Variants in NDUFA10 observed in about 807,000 individuals in gnomAD.
NDUFA10 encodes NADH:ubiquinone oxidoreductase subunit A10.
NDUFA10 carries 40 observed loss-of-function variants against 47.8 expected under a neutral mutation model. The ratio of observed to expected loss-of-function variants is 0.84; its 90% confidence interval spans 0.65 to 1.09. NDUFA10 has a LOEUF of 1.09. Ranked by LOEUF, NDUFA10 falls within the 50% of genes least tolerant of loss-of-function variation. The pLI, the probability that NDUFA10 is intolerant of heterozygous loss-of-function variation, is 0.00. For missense variants in NDUFA10, 413 were observed against 451.1 expected (o/e 0.92, Z 0.76); for synonymous variants, 183 against 172.2 (o/e 1.06, Z -0.49).
intron 4 of NDUFA10, among the ~76,000 whole-genome samples, chr2:239,949,803 T>C (rs188070516): frequency 9.2e-5 from 14 of 152,258 alleles, no homozygotes; most frequent in Admixed American, 5.9e-4. Context: ...AGGTGGGACA[T>C]TGGTCTTCCC....
At chr2:239,946,406 C>G (rs4077905) in intron 4 of NDUFA10, among the ~76,000 whole-genome samples, 6,013 of 152,272 alleles carry the variant, frequency 0.039, 419 homozygotes, top group African/African-American at 0.14. Flanking sequence ...AGCTCGTTAA[C>G]CCGCATGCTC....
chr2:239,999,955 A>G (rs7573361), intron 8 of NDUFA10, among the ~76,000 whole-genome samples: 29,487 of 152,108 alleles, frequency 0.19, 3,277 homozygotes, highest in African/African-American at 0.31. Context: ...GGAGCTGAAC[A>G]CTTCCTATCA....
chr2:239,971,249 A>G (rs1695294197), intron 9 of NDUFA10, among the ~76,000 whole-genome samples: 1 of 152,218 alleles, frequency 6.6e-6, no homozygotes, highest in African/African-American at 2.4e-5. Flanking sequence ...AGCCAAAGAA[A>G]CCTCCTGAAC....
At chr2:239,938,038 G>A (rs1179265752) in intron 4 of NDUFA10, among the ~76,000 whole-genome samples, 3 of 152,060 alleles carry the variant, frequency 2.0e-5, no homozygotes, top group South Asian at 2.1e-4. Flanking sequence ...TGTTTGGTTG[G>A]TGGCCTTTTC....
At position 239,945,303 on chromosome 2, in the gene NDUFA10, AG is replaced by A. The variant is rs1694430359; in HGVS notation, c.294+44770del. Among the ~76,000 whole-genome samples the A allele has an allele frequency of 1.3e-5, 2 of 152,188 alleles. No homozygotes were observed. Among genetic ancestry groups the A allele is most frequent in the Admixed American group, 1.3e-4 (2 of 15,280 alleles). ...CCATCATTCCTCCTGCTTTGCAGCCAGGAAGACACGAGCTCACAGATCAGCA... is the reference window on the plus strand; with the variant it reads ...CCATCATTCCTCCTGCTTTGCAGCCAGAAGACACGAGCTCACAGATCAGCA... On this transcript the variant is annotated intron_variant, in intron 4 of 5. Coordinates refer to the NDUFA10 transcript ENST00000419408. This position sits in a 1 kb window ranked among gnomAD's most constrained non-coding sequence, Gnocchi z 4.6.
At chr2:239,912,361 T>C (rs572513883) in intron 4 of NDUFA10, among the ~76,000 whole-genome samples, 83 of 152,304 alleles carry the variant, frequency 5.4e-4, no homozygotes, top group African/African-American at 1.9e-3. Context: ...GCCTCCAGGC[T>C]GTAGCTGATA....
chr2:239,943,831 G>A (rs1272406937), intron 4 of NDUFA10, among the ~76,000 whole-genome samples: 1 of 152,162 alleles, frequency 6.6e-6, no homozygotes, highest in Non-Finnish European at 1.5e-5. Flanking sequence ...CTGCAGAGCT[G>A]GACCTGCAGT....
chr2:239,894,106 T>C (rs1693346364), intron 5 of NDUFA10, among the ~76,000 whole-genome samples: 1 of 146,586 alleles, frequency 6.8e-6, no homozygotes, highest in African/African-American at 2.6e-5. Context: ...GCCTCATTCC[T>C]TCTCCCTGCT....
At chr2:239,939,031 G>A (rs768109583) in intron 4 of NDUFA10, among the ~76,000 whole-genome samples, 15 of 152,210 alleles carry the variant, frequency 9.9e-5, no homozygotes, top group Non-Finnish European at 1.9e-4. Context: ...GCGGAAAGAC[G>A]CTGCCTCAGG....
chr2:239,937,091 G>A (rs1694278003), intron 4 of NDUFA10, among the ~76,000 whole-genome samples: 1 of 152,228 alleles, frequency 6.6e-6, no homozygotes, highest in Non-Finnish European at 1.5e-5. Context: ...GGAGGGCTGG[G>A]GGCAGTCCGC....
intron 4 of NDUFA10, among the ~76,000 whole-genome samples, chr2:239,921,933 C>T (rs908598427): frequency 1.3e-5 from 2 of 151,274 alleles, no homozygotes; most frequent in Non-Finnish European, 2.9e-5. Flanking sequence ...TCTGTCCTTC[C>T]TTCCTTCTTT....
At chr2:239,973,818 T>C (rs1043984580) in intron 9 of NDUFA10, among the ~76,000 whole-genome samples, 1 of 152,214 alleles carries the variant, frequency 6.6e-6, no homozygotes, top group African/African-American at 2.4e-5. Flanking sequence ...ACAGGGTCAA[T>C]TCCGGGCACA....
intron 4 of NDUFA10, among the ~76,000 whole-genome samples, chr2:239,918,158 C>T (rs1284267531): frequency 1.3e-5 from 2 of 152,180 alleles, no homozygotes; most frequent in South Asian, 4.1e-4. Flanking sequence ...CCTGAGGGAC[C>T]CTCTGCATCA....
At chr2:239,937,878 G>T (rs1170324618) in intron 4 of NDUFA10, among the ~76,000 whole-genome samples, 2 of 152,164 alleles carry the variant, frequency 1.3e-5, no homozygotes, top group Non-Finnish European at 2.9e-5. Flanking sequence ...GACTTTAATT[G>T]TAACAAATTA....
chr2:240,000,426 A>G (rs1303869012), intron 8 of NDUFA10, among the ~76,000 whole-genome samples: 1 of 152,270 alleles, frequency 6.6e-6, no homozygotes, highest in African/African-American at 2.4e-5. Context: ...AAGTAAAAAT[A>G]AATAATTTTA....
chr2:240,011,784 T>C (rs1194984810), intron 5 of NDUFA10, 88 bp from the exon 6 acceptor site: 4 of 1,170,316 alleles, frequency 3.4e-6, no homozygotes, highest in Non-Finnish European at 5.1e-6. Flanking sequence ...AGACAATCAC[T>C]GACCACCATT....
chr2:239,927,742 C>G (rs967415839), intron 4 of NDUFA10, among the ~76,000 whole-genome samples: 1 of 152,138 alleles, frequency 6.6e-6, no homozygotes, highest in East Asian at 1.9e-4. Context: ...AGGGGAGGAG[C>G]CTGGGTGGCG....
chr2:239,916,263 C>CAG (rs1693877934), intron 4 of NDUFA10, among the ~76,000 whole-genome samples: 1 of 138,622 alleles, frequency 7.2e-6, no homozygotes, highest in African/African-American at 3.3e-5. Flanking sequence ...CACACACACA[C>CAG]AGAACACACA....
intron 4 of NDUFA10, among the ~76,000 whole-genome samples, chr2:239,897,259 A>C (rs537969377): frequency 6.6e-6 from 1 of 152,372 alleles, no homozygotes; most frequent in African/African-American, 2.4e-5. Context: ...ACATTGCAGT[A>C]GCTAATTATT....
Sources: gnomAD v4.1 joint callset for allele counts (sites outside exome capture counted in the v4.1 genomes callset) on GRCh38, gnomAD v4.1.1 for gene constraint, Gnocchi (gnomAD v3.1) non-coding constraint, MANE v1.5 for transcripts, NCBI Gene and HGNC (gene_info 2026-07-23, HGNC 2026-07-21) for gene names.